Variants in NKAIN2 observed in about 807,000 individuals in gnomAD.
NKAIN2 encodes sodium/potassium-transporting ATPase subunit beta-1-interacting protein 2.
NKAIN2 carries 14 observed loss-of-function variants against 32.6 expected under a neutral mutation model. The observed-to-expected ratio is 0.43, with a 90% CI of 0.28 to 0.67. NKAIN2 has a LOEUF of 0.67. Ranked by LOEUF, NKAIN2 falls within the 30% of genes least tolerant of loss-of-function variation. NKAIN2 has a pLI of 0.17. For missense variants in NKAIN2, 198 were observed against 258.3 expected (o/e 0.77, Z 1.60); for synonymous variants, 80 against 87.2 (o/e 0.92, Z 0.46).
chr6:123,812,566 G>A (rs1232470435), intron 1 of NKAIN2, among the ~76,000 whole-genome samples: 1 of 152,172 alleles, frequency 6.6e-6, no homozygotes, highest in African/African-American at 2.4e-5. Flanking sequence ...AGGTTGACAT[G>A]TTGCAGTAGT....
At chr6:124,442,980 C>T (rs377299327) in intron 3 of NKAIN2, among the ~76,000 whole-genome samples, 59 of 152,194 alleles carry the variant, frequency 3.9e-4, no homozygotes, top group South Asian at 2.1e-4. Context: ...TCATGTCATG[C>T]GGTAAATGAG....
At chr6:123,868,972 C>T (rs1772726618) in intron 1 of NKAIN2, among the ~76,000 whole-genome samples, 1 of 152,108 alleles carries the variant, frequency 6.6e-6, no homozygotes, top group Non-Finnish European at 1.5e-5. Context: ...TCTGTACATT[C>T]ATCAGGAAGA....
At chr6:124,048,677 G>A (rs894074973) in intron 1 of NKAIN2, among the ~76,000 whole-genome samples, 1 of 151,962 alleles carries the variant, frequency 6.6e-6, no homozygotes, top group African/African-American at 2.4e-5. Context: ...TTAAATTCTT[G>A]GGGATATTTC....
At chr6:124,146,818 G>T (rs550918853) in intron 1 of NKAIN2, among the ~76,000 whole-genome samples, 114 of 152,202 alleles carry the variant, frequency 7.5e-4, no homozygotes, top group African/African-American at 2.7e-3. Flanking sequence ...TACTGTTTAG[G>T]AATACATATG....
intron 3 of NKAIN2, among the ~76,000 whole-genome samples, chr6:124,600,630 T>C (rs1362120580): frequency 6.6e-6 from 1 of 152,048 alleles, no homozygotes; most frequent in Non-Finnish European, 1.5e-5. Flanking sequence ...AGGGTTAAAT[T>C]TCTCTAACAT....
At chr6:124,472,246 C>T (rs1389046479) in intron 3 of NKAIN2, among the ~76,000 whole-genome samples, 3 of 152,088 alleles carry the variant, frequency 2.0e-5, no homozygotes, top group Non-Finnish European at 4.4e-5. Flanking sequence ...GGAAAAATAT[C>T]TAAGTGGTTT....
At chr6:124,703,815 G>A (rs771928556) in intron 4 of NKAIN2, among the ~76,000 whole-genome samples, 2 of 151,906 alleles carry the variant, frequency 1.3e-5, no homozygotes, top group Non-Finnish European at 2.9e-5. Context: ...CAACAGATAG[G>A]GATTTGTGCC....
chr6:124,443,378 ATT>A (rs1775769287), intron 3 of NKAIN2, among the ~76,000 whole-genome samples: 1 of 152,164 alleles, frequency 6.6e-6, no homozygotes, highest in African/African-American at 2.4e-5. Context: ...AGAAAAAATA[ATT>A]AACAGTATAT....
At chr6:123,874,614 A>T (rs9320963) in intron 1 of NKAIN2, among the ~76,000 whole-genome samples, 40,634 of 152,052 alleles carry the variant, frequency 0.27, 6,001 homozygotes, top group Non-Finnish European at 0.32. Flanking sequence ...TTAAAATATA[A>T]TTCACTTCTC....
chr6:124,414,769 A>G (rs1257715507), intron 3 of NKAIN2, among the ~76,000 whole-genome samples: 1 of 152,134 alleles, frequency 6.6e-6, no homozygotes, highest in Non-Finnish European at 1.5e-5. Context: ...GATTTATTTA[A>G]TAAGTATTGA....
At chr6:124,625,582 A>AAG (rs1783288310) in intron 3 of NKAIN2, among the ~76,000 whole-genome samples, 1 of 152,236 alleles carries the variant, frequency 6.6e-6, no homozygotes, top group Non-Finnish European at 1.5e-5. Context: ...GTGGTGCAGC[A>AAG]AGAGTATTTT....
intron 1 of NKAIN2, among the ~76,000 whole-genome samples, chr6:124,115,800 A>C (rs1362142370): frequency 6.6e-6 from 1 of 152,074 alleles, no homozygotes. Context: ...TTTAAAACTC[A>C]TTCTGATTTC....
At chr6:124,110,078 G>T (rs1785307348) in intron 1 of NKAIN2, among the ~76,000 whole-genome samples, 1 of 150,206 alleles carries the variant, frequency 6.7e-6, no homozygotes, top group Non-Finnish European at 1.5e-5. Flanking sequence ...TCTTTGCCTG[G>T]CTTTGATATC....
intron 1 of NKAIN2, among the ~76,000 whole-genome samples, chr6:123,813,917 G>A (rs1245612819): frequency 6.6e-6 from 1 of 150,752 alleles, no homozygotes; most frequent in African/African-American, 2.4e-5. Context: ...TTAGTGATTA[G>A]TGAACCTATA....
intron 1 of NKAIN2, among the ~76,000 whole-genome samples, chr6:124,078,786 T>TTGTGTGTGTGTGTG (rs71021477): frequency 2.2e-4 from 32 of 144,734 alleles, no homozygotes; most frequent in African/African-American, 7.7e-4. Flanking sequence ...TATGTCGTTT[T>TTGTGTGTGTGTGTG]TGTGTGTGTG....
At chr6:124,362,018 T>C (rs962639157) in intron 3 of NKAIN2, among the ~76,000 whole-genome samples, 5 of 152,110 alleles carry the variant, frequency 3.3e-5, no homozygotes, top group Non-Finnish European at 7.4e-5. Context: ...CTGTAATCTT[T>C]TTTTATTTGA....
chr6:124,032,050 G>T (rs1159874045), intron 1 of NKAIN2, among the ~76,000 whole-genome samples: 1 of 151,976 alleles, frequency 6.6e-6, no homozygotes, highest in Non-Finnish European at 1.5e-5. Flanking sequence ...TTAAAAAAAT[G>T]TGGCACATAT....
chr6:124,731,402 C>T (rs975766463), intron 4 of NKAIN2, among the ~76,000 whole-genome samples: 2 of 151,322 alleles, frequency 1.3e-5, no homozygotes, highest in Non-Finnish European at 2.9e-5. Flanking sequence ...AGTTCATGTC[C>T]TTTGTAGGGA....
chr6:124,793,677 C>T (rs1285957924), intron 5 of NKAIN2, among the ~76,000 whole-genome samples: 1 of 138,428 alleles, frequency 7.2e-6, no homozygotes. Context: ...AGACATACTG[C>T]TCAAAAAAAA....
Sources: allele counts gnomAD v4.1 joint callset (sites outside exome capture counted in the v4.1 genomes callset), GRCh38; gene constraint gnomAD v4.1.1; transcripts MANE v1.5; gene names NCBI Gene and HGNC (gene_info 2026-07-23, HGNC 2026-07-21).